ANKMY1: variants seen among roughly 807,000 people sequenced by gnomAD.
ANKMY1 encodes the protein ankyrin repeat and MYND domain containing 1, also known as ankyrin repeat and MYND domain-containing protein 1.
ANKMY1 carries 98 observed loss-of-function variants against 102.0 expected under a neutral mutation model. That is an observed-to-expected ratio of 0.96 (90% CI 0.82 to 1.14). ANKMY1 has a LOEUF of 1.14. Among genes scored for constraint, ANKMY1 ranks in the 50% most tolerant of loss-of-function variants. The pLI, the probability that ANKMY1 is intolerant of heterozygous loss-of-function variation, is 0.00. For missense variants in ANKMY1, 1,330 were observed against 1,347.6 expected, an observed-to-expected ratio of 0.99 and a Z score of 0.20; for synonymous variants, 582 against 559.9, an observed-to-expected ratio of 1.04 and a Z score of -0.56.
intron 3 of ANKMY1, 100 bp downstream of exon 3, chr2:240,554,766 T>C (rs2092085703): frequency 7.2e-7 from 1 of 1,384,878 alleles, no homozygotes; most frequent in South Asian, 1.3e-5. Flanking sequence ...CCCTTCCTGT[T>C]GATGGGCCTA....
rs542328054 is a variant in ANKMY1, at chr2:240,509,923, G to A, written c.2287-468C>T. Among the ~76,000 whole-genome samples, 41 of 151,650 alleles carry A rather than the reference G, an allele frequency of 2.7e-4. No homozygotes were observed. In the South Asian group the frequency reaches 8.1e-3, roughly 30 times the overall value. ...CTCTCTGCACCAGGAGGGCAGCCCCGTCCATGCCTCCCTGCCCTCCTCCCC... is the reference window on the plus strand; with the variant it reads ...CTCTCTGCACCAGGAGGGCAGCCCCATCCATGCCTCCCTGCCCTCCTCCCC... On this transcript the variant is annotated intron_variant, in intron 11 of 17. Coordinates refer to ENST00000401804, the MANE Select transcript of ANKMY1 (RefSeq NM_001282771.3).
intron 4 of ANKMY1, among the ~76,000 whole-genome samples, chr2:240,530,883 A>G (rs2085200631): frequency 6.6e-6 from 1 of 152,168 alleles, no homozygotes; most frequent in Non-Finnish European, 1.5e-5. Flanking sequence ...ACTGCACTCC[A>G]GCCTGGGCAA....
At chr2:240,511,059 C>T (rs1215004150) in intron 11 of ANKMY1, among the ~76,000 whole-genome samples, 1 of 152,102 alleles carries the variant, frequency 6.6e-6, no homozygotes, top group Admixed American at 6.5e-5. Flanking sequence ...TCTCCCTACC[C>T]TCCAAGGAGG....
At chr2:240,500,722 A>T (rs989872265) in intron 13 of ANKMY1, among the ~76,000 whole-genome samples, 157 bp from the exon 14 acceptor site, 1 of 152,154 alleles carries the variant, frequency 6.6e-6, no homozygotes, top group African/African-American at 2.4e-5. Context: ...GGAGAGGGAG[A>T]TGGAGACGGG....
chr2:240,552,959 GT>G lies in ANKMY1; in HGVS notation c.434del (p.His145ProfsTer10). The G allele has an allele frequency of 6.2e-7, 1 of 1,613,998 alleles. No homozygotes were observed. The highest frequency in any genetic ancestry group is 8.5e-7 in the Non-Finnish European group (1 of 1,180,022). Reference sequence around the variant, plus strand: ...TGTACATGGTGCCGTAGCCTTCTCGGTGGCTGAGGTAAAATGTGCCCGTGAA... The same window carrying G: ...TGTACATGGTGCCGTAGCCTTCTCGGGGCTGAGGTAAAATGTGCCCGTGAA... ...SSFTGTFYLS[H>X]REGYGTMYMK... On this transcript the variant is annotated frameshift_variant, in exon 4 of 18. Transcript: ENST00000401804. LOFTEE classifies it high-confidence loss of function.
chr2:240,524,142 C>G lies in ANKMY1; in HGVS notation c.1575G>C (p.Pro525=). The change falls in exon 8 of 18, where the codon CCG becomes CCC. Residue 525 remains proline (P), a synonymous_variant. Coordinates refer to ENST00000401804, the MANE Select transcript of ANKMY1 (RefSeq NM_001282771.3). ...HRSSSLKGDS[P]LVKGSLGHVE... ...CATGGCCAAGGCTGCCCTTCACCAA[C>G]GGGGAGTCCCCCTTCAGAGAGCTGC... The G allele has an allele frequency of 6.2e-7, 1 of 1,614,070 alleles. No homozygotes were observed. Among genetic ancestry groups the G allele is most frequent in the South Asian group, 1.1e-5 (1 of 91,086 alleles).
At chr2:240,558,059 C>T, upstream of ANKMY1, 1 of 890,210 alleles carries the variant, frequency 1.1e-6, no homozygotes, top group African/African-American at 1.8e-5. Flanking sequence ...CCGCCAATCC[C>T]CCCGCCAGGA....
chr2:240,497,331 C>T (rs1224172457), intron 15 of ANKMY1, among the ~76,000 whole-genome samples: 1 of 152,224 alleles, frequency 6.6e-6, no homozygotes, highest in Non-Finnish European at 1.5e-5. Flanking sequence ...GGAACTTAGC[C>T]TCAGCAACAG....
chr2:240,552,753 G>C, intron 4 of ANKMY1, 161 bp downstream of exon 4: 1 of 1,150,804 alleles, frequency 8.7e-7, no homozygotes, highest in South Asian at 1.4e-5. Flanking sequence ...TTTATTTTCA[G>C]TCTATATCCT....
rs199698632 is a variant in ANKMY1 at position 240,526,271 on chromosome 2, G to A, written c.1128C>T (p.Asp376=). Reference sequence around the variant, plus strand: ...CAGTGTAGCCCTTTGCGTCCGCCACGTCAGCACTAGCAAAGTTGTCCTTCA... The same window carrying A: ...CAGTGTAGCCCTTTGCGTCCGCCACATCAGCACTAGCAAAGTTGTCCTTCA... ...RILKDNFASA[D]VADAKGYTVL... The change falls in exon 6 of 18, where the codon GAC becomes GAT. Residue 376 remains aspartate (D), a synonymous_variant. Transcript: ENST00000401804. The A allele has an allele frequency of 1.4e-4, 229 of 1,614,136 alleles. 1 individual carries two copies. The Middle Eastern group carries it at 3.6e-3, about 26-fold the overall frequency.
At chr2:240,480,843 GGA>G in intron 17 of ANKMY1, 92 bp downstream of exon 17, 1 of 1,457,272 alleles carries the variant, frequency 6.9e-7, no homozygotes, top group Non-Finnish European at 9.2e-7. Context: ...AGAGATTTTG[GGA>G]AATGAGGGTG....
chr2:240,552,863 A>T, intron 4 of ANKMY1, 51 bp downstream of exon 4: 1 of 1,612,034 alleles, frequency 6.2e-7, no homozygotes, highest in Non-Finnish European at 8.5e-7. Flanking sequence ...CCAGTGGCTT[A>T]GACACACACA....
the ANKMY1 span, among the ~76,000 whole-genome samples, chr2:240,472,639 GACTC>G: frequency 6.6e-6 from 1 of 152,130 alleles, no homozygotes; most frequent in African/African-American, 2.4e-5. Flanking sequence ...TCCCTGAATA[GACTC>G]ACCAACCACA....
In ANKMY1 at chr2:240,554,865, C is replaced by A. The variant is rs1346120149; in HGVS notation, c.336+1G>T. On this transcript the variant is annotated splice_donor_variant, in intron 3 of 17. Transcript: ENST00000401804. LOFTEE classifies it high-confidence loss of function. ...GGCGGAGAAAGTGTGGAAGCAGTTA[C>A]CTCGCCTGTGGGCCAAGAGAATTTG... 2.5e-6 allele frequency: 4 copies of A among 1,613,992 alleles called. No homozygotes were observed. Among genetic ancestry groups the A allele is most frequent in the Non-Finnish European group, 3.4e-6 (4 of 1,179,970 alleles).
upstream of ANKMY1, chr2:240,560,806 C>G (rs1189324201): frequency 1.4e-6 from 2 of 1,441,816 alleles, no homozygotes; most frequent in Non-Finnish European, 1.8e-6. Flanking sequence ...GAGCAGCTGG[C>G]GCGCGCGGGA....
intron 4 of ANKMY1, among the ~76,000 whole-genome samples, chr2:240,536,223 T>G (rs568790849): frequency 6.6e-6 from 1 of 152,312 alleles, no homozygotes; most frequent in African/African-American, 2.4e-5. Context: ...TCATTAAATA[T>G]GTACATCAGG....
At chr2:240,497,929 G>A (rs1253052669) in intron 15 of ANKMY1, among the ~76,000 whole-genome samples, 3 of 152,156 alleles carry the variant, frequency 2.0e-5, no homozygotes, top group Non-Finnish European at 2.9e-5. Context: ...ATGGGTCTTC[G>A]CAACTTGCCT....
chr2:240,481,133 C>T (rs1559221891), intron 16 of ANKMY1, 36 bp from the exon 17 acceptor site: 1 of 1,589,746 alleles, frequency 6.3e-7, no homozygotes, highest in Admixed American at 1.7e-5. Flanking sequence ...GGCGGCCACT[C>T]CAGAACCTGC....
chr2:240,520,072 G>A lies in ANKMY1; in HGVS notation c.2004+290C>T, dbSNP rs1405592537. The A allele has an allele frequency of 4.9e-6, 3 of 612,226 alleles. No individual in the cohort carries two copies. The highest frequency in any genetic ancestry group is 4.6e-5 in the South Asian group (3 of 65,830). 37.9% of individuals were successfully genotyped at this position (612,226 alleles called of 1,614,324 possible). A position where few individuals can be genotyped will look rare whatever the true frequency, so the allele number is the denominator to read the frequency against. On this transcript the variant is annotated intron_variant, in intron 9 of 17. Transcript: ENST00000401804. The surrounding 1 kb of genome is among the most constrained non-coding windows in gnomAD (Gnocchi z 4.8). The stretch of plus-strand genomic sequence containing the variant: ...GAATATAAGTCTCCCCTTTCCAAGG[G>A]GCCTTCAGGATGCGCTTCCCCTTAG...
Sources: allele counts gnomAD v4.1 joint callset (sites outside exome capture counted in the v4.1 genomes callset), GRCh38; gene constraint gnomAD v4.1.1; non-coding constraint Gnocchi (gnomAD v3.1); transcripts MANE v1.5; gene names NCBI Gene and HGNC (gene_info 2026-07-23, HGNC 2026-07-21).